The following BEAN1 variants were observed in gnomAD, a reference collection of about 807,000 sequenced individuals.
BEAN1 encodes brain expressed associated with NEDD4 1, also known as protein BEAN1.
A neutral mutation model predicts 17.7 loss-of-function variants in BEAN1; 17 were observed. The ratio of observed to expected loss-of-function variants is 0.96; its 90% CI spans 0.66 to 1.44. The LOEUF (loss-of-function observed/expected upper bound fraction) is 1.44, where lower values mean the gene tolerates loss of function less well. BEAN1 is among the 40% of genes most tolerant of loss of function. BEAN1 has a pLI of 0.00. For synonymous variants in BEAN1, 142 were observed against 151.8 expected, an observed-to-expected ratio of 0.94 and a Z score of 0.47; for missense variants, 359 against 374.1, an observed-to-expected ratio of 0.96 and a Z score of 0.33.
At position 66,469,621 on chromosome 16, in the gene BEAN1, C is replaced by A; in HGVS notation, c.45C>A (p.Thr15=). Residue 15 remains threonine (T), a synonymous_variant, in exon 3 of 5, where the codon ACC becomes ACA. Transcript: ENST00000536005. Reference sequence around the variant, plus strand: ...CCACAGTAGCACGATACAACCGCACCAGCTACTTCTACCCCACATTCTCAG... The same window carrying A: ...CCACAGTAGCACGATACAACCGCACAAGCTACTTCTACCCCACATTCTCAG... The part of the protein sequence containing the change: ...RPCPLARYNR[T]SYFYPTFSES... The A allele has an allele frequency of 6.5e-7, 1 of 1,536,040 alleles. No homozygotes were observed. The highest frequency in any genetic ancestry group is 2.0e-5 in the Admixed American group (1 of 51,008).
chr16:66,438,216 T>C (rs1386991774), intron 2 of BEAN1, among the ~76,000 whole-genome samples: 1 of 151,976 alleles, frequency 6.6e-6, no homozygotes, highest in African/African-American at 2.4e-5. Context: ...AAACCCCGTC[T>C]CTACTAAAAA....
At chr16:66,464,890 A>T (rs1963210324) in intron 2 of BEAN1, among the ~76,000 whole-genome samples, 1 of 151,958 alleles carries the variant, frequency 6.6e-6, no homozygotes, top group South Asian at 2.1e-4. Flanking sequence ...CTTTTATTTC[A>T]TTTTCTTGCC....
At chr16:66,466,899 TTTAAC>T (rs1298436634) in intron 2 of BEAN1, among the ~76,000 whole-genome samples, 134 of 152,308 alleles carry the variant, frequency 8.8e-4, no homozygotes, top group African/African-American at 3.0e-3. Context: ...GTGATGTCAT[TTTAAC>T]TTATCACCAA....
At position 66,482,590 on chromosome 16, in the gene BEAN1, A is replaced by G. The variant is rs1476948259; in HGVS notation, c.*1665A>G. ...AAAATATCTGTCTGTTGTACTGTAT[A>G]GCCTTTAAAATGCAGTCCAGGAATG... On this transcript the variant is annotated 3_prime_UTR_variant, in exon 5 of 5. Coordinates refer to ENST00000536005, the MANE Select transcript of BEAN1 (RefSeq NM_001178020.3). 5.7e-6 allele frequency: 2 copies of G among 353,392 alleles called. No individual in the cohort carries two copies. Among genetic ancestry groups the G allele is most frequent in the African/African-American group, 4.3e-5 (2 of 46,500 alleles). 21.9% of individuals were successfully genotyped at this position (353,392 alleles called of 1,614,324 possible). A position where few individuals can be genotyped will look rare whatever the true frequency, so the allele number is the denominator to read the frequency against.
intron 2 of BEAN1, among the ~76,000 whole-genome samples, chr16:66,442,089 C>T (rs566033869): frequency 6.6e-6 from 1 of 152,360 alleles, no homozygotes; most frequent in African/African-American, 2.4e-5. Flanking sequence ...GGCCAAGTGG[C>T]TGCAAGAGGG....
intron 2 of BEAN1, among the ~76,000 whole-genome samples, chr16:66,452,674 C>T (rs962307010): frequency 3.9e-5 from 6 of 152,144 alleles, no homozygotes; most frequent in South Asian, 2.1e-4. Flanking sequence ...AATTTCTAGA[C>T]GCTTTTTGCA....
chr16:66,482,663 T>C lies in BEAN1; in HGVS notation c.*1738T>C. On this transcript the variant is annotated 3_prime_UTR_variant, in exon 5 of 5. Transcript: ENST00000536005. ...CTGCTTCTGCAATTCCAGAGAGTGCTGGGGGAAAAAAAGGGATAAAAATTC... is the reference window on the plus strand; with the variant it reads ...CTGCTTCTGCAATTCCAGAGAGTGCCGGGGGAAAAAAAGGGATAAAAATTC... The C allele has an allele frequency of 2.7e-6, 1 of 364,100 alleles. No homozygotes were observed. 22.6% of individuals were successfully genotyped at this position (364,100 alleles called of 1,614,324 possible).
chr16:66,466,540 G>T (rs748847554), intron 2 of BEAN1, among the ~76,000 whole-genome samples: 9 of 152,120 alleles, frequency 5.9e-5, no homozygotes, highest in Non-Finnish European at 1.3e-4. Context: ...CACTGCATTA[G>T]CTGCATCCTG....
Position 66,480,677 on chromosome 16 carries a change from C to T in BEAN1, c.532C>T (p.Leu178=), listed in dbSNP as rs1168892901. Residue 178 remains leucine, a synonymous_variant, in exon 5 of 5, where the codon CTG becomes TTG. Transcript: ENST00000536005. The part of the protein sequence containing the change: ...PYSLTDSCPT[L]DGTSDSGSGH... ...CTCGCTGACTGATTCCTGCCCCACG[C>T]TGGATGGCACCTCCGACTCAGGCAG... 1 of 1,551,572 alleles carries T rather than the reference C, an allele frequency of 6.4e-7. No individual in the cohort carries two copies. Among genetic ancestry groups the T allele is most frequent in the African/African-American group, 1.4e-5 (1 of 73,060 alleles).
chr16:66,490,837 C>A (rs1369022883), intron 4 of BEAN1, among the ~76,000 whole-genome samples: 3 of 152,232 alleles, frequency 2.0e-5, no homozygotes, highest in Non-Finnish European at 4.4e-5. Context: ...CGGTCACCCT[C>A]CAATCTCAGC....
downstream of BEAN1, among the ~76,000 whole-genome samples, chr16:66,494,896 C>T (rs1389891911): frequency 1.3e-5 from 2 of 152,236 alleles, no homozygotes; most frequent in Admixed American, 6.5e-5. Context: ...GGGATCCCAA[C>T]AGAGGGCATC....
intron 2 of BEAN1, among the ~76,000 whole-genome samples, chr16:66,460,968 G>A (rs999009163): frequency 9.9e-5 from 15 of 152,216 alleles, no homozygotes; most frequent in Admixed American, 3.3e-4. Flanking sequence ...CAAGTACCAC[G>A]TATGGTGTAA....
At chr16:66,488,335 G>C (rs550226907) in intron 4 of BEAN1, among the ~76,000 whole-genome samples, 1 of 151,976 alleles carries the variant, frequency 6.6e-6, no homozygotes, top group African/African-American at 2.4e-5. Context: ...GCCTGGGGTC[G>C]AAGAATGAGA....
chr16:66,493,069 C>T (rs1964198047), exon 5 of BEAN1: 6 of 702,912 alleles, frequency 8.5e-6, no homozygotes, highest in Non-Finnish European at 5.2e-6. Flanking sequence ...AGTCTGAGTT[C>T]TCACTGGTCC....
chr16:66,443,864 TG>T (rs1962346429), intron 2 of BEAN1, among the ~76,000 whole-genome samples: 1 of 152,022 alleles, frequency 6.6e-6, no homozygotes, highest in African/African-American at 2.4e-5. Flanking sequence ...TTAGTAGAGA[TG>T]GGGTTTCACC....
At chr16:66,470,168 C>CTGGA (rs1386520869) in intron 3 of BEAN1, 3 of 418,950 alleles carry the variant, frequency 7.2e-6, no homozygotes, top group Middle Eastern at 5.9e-4. Context: ...CATCTGGTGT[C>CTGGA]TCGATGGATG....
intron 4 of BEAN1, among the ~76,000 whole-genome samples, chr16:66,478,474 C>T (rs1031441040): frequency 6.6e-6 from 1 of 152,080 alleles, no homozygotes; most frequent in Non-Finnish European, 1.5e-5. Context: ...TGGTGGCGGG[C>T]GCCTGTAGTC....
intron 4 of BEAN1, among the ~76,000 whole-genome samples, chr16:66,490,457 T>TAAAATAAAATAAAATAAAATAAA (rs1567514540): frequency 1.1e-4 from 11 of 100,694 alleles, no homozygotes; most frequent in South Asian, 3.1e-4. Flanking sequence ...AATAAAATAA[T>TAAAATAAAATAAAATAAAATAAA]AAAATAAAAA....
At chr16:66,485,262 C>T (rs1481024732), downstream of BEAN1, 2 of 373,516 alleles carry the variant, frequency 5.4e-6, no homozygotes, top group Non-Finnish European at 1.1e-5. Flanking sequence ...GCTCCACCTC[C>T]TGTGGTTTCG....
Sources: allele counts gnomAD v4.1 joint callset (sites outside exome capture counted in the v4.1 genomes callset), GRCh38; gene constraint gnomAD v4.1.1; transcripts MANE v1.5; gene names NCBI Gene and HGNC (gene_info 2026-07-23, HGNC 2026-07-21).